CCDC141: variants seen among roughly 807,000 people sequenced by gnomAD.
CCDC141 encodes coiled-coil domain-containing protein 141.
CCDC141 carries 168 observed loss-of-function variants against 181.0 expected under a neutral mutation model. The ratio of observed to expected loss-of-function variants is 0.93; its 90% CI spans 0.82 to 1.05. The LOEUF is 1.05. CCDC141 is among the 50% of genes least tolerant of loss of function. CCDC141 has a pLI of 0.00. For synonymous variants in CCDC141, 666 were observed against 642.3 expected, an observed-to-expected ratio of 1.04 and a Z score of -0.56; for missense variants, 1,902 against 1,788.5, an observed-to-expected ratio of 1.06 and a Z score of -1.14.
At chr2:178,863,917 T>C (rs12477340) in intron 17 of CCDC141, among the ~76,000 whole-genome samples, 10,813 of 152,256 alleles carry the variant, frequency 0.071, 558 homozygotes, top group Admixed American at 0.16. Flanking sequence ...TCCTGGGGCG[T>C]ACCTACTATT....
chr2:179,022,159 C>T (rs1218888381), intron 2 of CCDC141, among the ~76,000 whole-genome samples: 8 of 152,152 alleles, frequency 5.3e-5, no homozygotes, highest in Admixed American at 2.0e-4. Context: ...GTGGTCTGTA[C>T]GCTTGGATTT....
At chr2:178,867,527 C>T (rs1407491643) in intron 16 of CCDC141, among the ~76,000 whole-genome samples, 1 of 152,046 alleles carries the variant, frequency 6.6e-6, no homozygotes, top group Non-Finnish European at 1.5e-5. Context: ...TCATTTGTTG[C>T]TAAATTTCGA....
chr2:178,822,148 A>G, the CCDC141 span, among the ~76,000 whole-genome samples: 1 of 151,964 alleles, frequency 6.6e-6, no homozygotes, highest in Admixed American at 6.5e-5. Flanking sequence ...TCAGCAAACT[A>G]TCGCAAGGAC....
intron 7 of CCDC141, among the ~76,000 whole-genome samples, chr2:178,911,287 T>C (rs1688207103): frequency 6.6e-6 from 1 of 152,230 alleles, no homozygotes; most frequent in Non-Finnish European, 1.5e-5. Flanking sequence ...TTCTGTGCTG[T>C]AGCCACGTAT....
chr2:178,819,622 C>A, the CCDC141 span, among the ~76,000 whole-genome samples: 3 of 152,034 alleles, frequency 2.0e-5, no homozygotes, highest in Admixed American at 6.6e-5. Flanking sequence ...GGATATTTGA[C>A]AATATTTGGA....
At chr2:178,983,357 G>A (rs1691538690) in intron 2 of CCDC141, among the ~76,000 whole-genome samples, 1 of 152,216 alleles carries the variant, frequency 6.6e-6, no homozygotes, top group East Asian at 1.9e-4. Flanking sequence ...AAACCACGAA[G>A]AGGGGGAAAA....
chr2:179,010,922 G>T (rs1335087129), intron 2 of CCDC141, among the ~76,000 whole-genome samples: 1 of 152,124 alleles, frequency 6.6e-6, no homozygotes, highest in Non-Finnish European at 1.5e-5. Flanking sequence ...ACTTTGGGAG[G>T]CTAAGTTGGG....
intron 2 of CCDC141, among the ~76,000 whole-genome samples, chr2:178,993,709 A>G (rs1374876779): frequency 6.6e-6 from 1 of 152,188 alleles, no homozygotes; most frequent in East Asian, 1.9e-4. Context: ...CTAAAGTCTC[A>G]TCCAAGACAA....
At chr2:179,046,003 T>C (rs1013693492) in intron 2 of CCDC141, among the ~76,000 whole-genome samples, 1 of 152,248 alleles carries the variant, frequency 6.6e-6, no homozygotes, top group Non-Finnish European at 1.5e-5. Context: ...CTCAGTTACT[T>C]TTACCACTGT....
chr2:178,906,203 T>C (rs866237099), intron 7 of CCDC141, among the ~76,000 whole-genome samples: 1 of 152,200 alleles, frequency 6.6e-6, no homozygotes. Flanking sequence ...ATTTTAAAAT[T>C]CCTTTATTTT....
chr2:178,951,395 T>A (rs1198152185), intron 5 of CCDC141, among the ~76,000 whole-genome samples: 2 of 152,202 alleles, frequency 1.3e-5, no homozygotes, highest in Non-Finnish European at 2.9e-5. Flanking sequence ...GGCAGCTTAA[T>A]GGATTTCCTA....
At chr2:179,009,289 T>A (rs2042197393) in intron 2 of CCDC141, among the ~76,000 whole-genome samples, 1 of 152,202 alleles carries the variant, frequency 6.6e-6, no homozygotes, top group South Asian at 2.1e-4. Flanking sequence ...ACTTCTGATG[T>A]CTGAAACTTC....
chr2:178,955,687 C>G (rs1209185076), intron 5 of CCDC141, among the ~76,000 whole-genome samples: 1 of 151,776 alleles, frequency 6.6e-6, no homozygotes, highest in Non-Finnish European at 1.5e-5. Flanking sequence ...TATGCTCACG[C>G]TTGGATAAAA....
At chr2:178,906,491 T>C (rs890163917) in intron 7 of CCDC141, among the ~76,000 whole-genome samples, 1 of 152,218 alleles carries the variant, frequency 6.6e-6, no homozygotes, top group Admixed American at 6.5e-5. Flanking sequence ...AAAATCTGAA[T>C]GGCATGGGAG....
Position 178,837,429 on chromosome 2 carries a change from A to T in CCDC141, c.3790T>A (p.Ser1264Thr), listed in dbSNP as rs1684531092. 1 of 1,614,002 alleles carries T rather than the reference A, an allele frequency of 6.2e-7. No individual in the cohort carries two copies. Among genetic ancestry groups the T allele is most frequent in the Non-Finnish European group, 8.5e-7 (1 of 1,180,006 alleles). Residue 1264 changes from serine to threonine, a missense_variant, in exon 23 of 24, where the codon TCT becomes ACT. Coordinates refer to ENST00000443758, the MANE Select transcript of CCDC141 (RefSeq NM_173648.4). ...AAGGCAACAGGTGGTGGAAGAACAG[A>T]TTCCTGGGCATCCCCTGGGCTGCTG... ...GTSSPGDAQESVLPPPVAFAD... is the reference protein window; with the variant it reads ...GTSSPGDAQETVLPPPVAFAD...
intron 16 of CCDC141, among the ~76,000 whole-genome samples, chr2:178,867,781 T>C (rs1408411600): frequency 6.6e-6 from 1 of 152,188 alleles, no homozygotes; most frequent in East Asian, 1.9e-4. Flanking sequence ...ATCTACTATA[T>C]AAATACTCTT....
the CCDC141 span, among the ~76,000 whole-genome samples, chr2:178,816,796 G>A: frequency 6.6e-6 from 1 of 152,108 alleles, no homozygotes; most frequent in African/African-American, 2.4e-5. Flanking sequence ...GGGATAATTA[G>A]GGAGTATTCT....
chr2:178,837,132 GC>G lies in CCDC141; in HGVS notation c.4086del (p.His1363MetfsTer42). On this transcript the variant is annotated frameshift_variant, in exon 23 of 24. Coordinates refer to ENST00000443758, the MANE Select transcript of CCDC141 (RefSeq NM_173648.4). LOFTEE classifies it high-confidence loss of function. ...DNNFTKTQDR[L>X]HASSDAFSGL... is the part of the protein sequence containing the mutation. ...CCCGAGAATGCATCAGAGGAAGCATGCAGCCTATCTTGGGTTTTAGTGAAGT... is the reference window on the plus strand; with the variant it reads ...CCCGAGAATGCATCAGAGGAAGCATGAGCCTATCTTGGGTTTTAGTGAAGT... 6.2e-7 allele frequency: 1 copy of G among 1,613,974 alleles called. No individual in the cohort carries two copies. The highest frequency in any genetic ancestry group is 8.5e-7 in the Non-Finnish European group (1 of 1,179,958).
chr2:178,939,724 G>A (rs1689430426), intron 6 of CCDC141, among the ~76,000 whole-genome samples: 1 of 152,054 alleles, frequency 6.6e-6, no homozygotes, highest in African/African-American at 2.4e-5. Context: ...TCACTGGGAG[G>A]TCGTCCAAGG....
Sources: gnomAD v4.1 joint callset for allele counts (sites outside exome capture counted in the v4.1 genomes callset) on GRCh38, gnomAD v4.1.1 for gene constraint, MANE v1.5 for transcripts, NCBI Gene and HGNC (gene_info 2026-07-23, HGNC 2026-07-21) for gene names.